Variants in CRY2 observed in about 807,000 individuals in gnomAD.
The protein encoded by CRY2 is cryptochrome-2.
CRY2 carries 31 observed loss-of-function variants against 69.5 expected under a neutral mutation model. The ratio of observed to expected loss-of-function variants is 0.45; its 90% CI spans 0.34 to 0.60. CRY2 has a LOEUF of 0.60. CRY2 is among the 20% of genes least tolerant of loss of function. The probability of loss-of-function intolerance (pLI) is 0.02; values close to 1 mark genes in which losing one functional copy is unlikely to be tolerated. For synonymous variants in CRY2, 303 were observed against 312.2 expected (o/e 0.97, Z 0.31); for missense variants, 606 against 797.8 (o/e 0.76, Z 2.90).
chr11:45,873,207 C>T (rs2086400376), intron 11 of CRY2, among the ~76,000 whole-genome samples: 1 of 152,222 alleles, frequency 6.6e-6, no homozygotes, highest in African/African-American at 2.4e-5. Context: ...TCCTTATGCA[C>T]CATGTCTTCG....
upstream of CRY2, chr11:45,847,348 G>A (rs1280618072): frequency 1.3e-6 from 2 of 1,597,438 alleles, no homozygotes; most frequent in Non-Finnish European, 1.7e-6. Context: ...AAGGCACTCA[G>A]CCAATGGCAG....
rs139397757 is a variant in CRY2, at chr11:45,855,070, A to T, written c.216-912A>T. On this transcript the variant is annotated intron_variant, in intron 1 of 11. Coordinates refer to ENST00000616080, the MANE Select transcript of CRY2 (RefSeq NM_021117.5). ...AATTTAATTTAAAAATAAAACGCTG[A>T]AGGCACTCAGCAAATGTTAATGTCC... Among the ~76,000 whole-genome samples, 14 of 152,336 alleles carry T rather than the reference A, an allele frequency of 9.2e-5. No individual in the cohort carries two copies. The East Asian group carries it at 2.7e-3, about 29-fold the overall frequency.
intron 1 of CRY2, among the ~76,000 whole-genome samples, chr11:45,849,081 T>C (rs2086174185): frequency 6.6e-6 from 1 of 152,242 alleles, no homozygotes; most frequent in Non-Finnish European, 1.5e-5. Flanking sequence ...TCCGACTACC[T>C]TCTTGTTACA....
intron 3 of CRY2, 98 bp downstream of exon 3, chr11:45,858,971 C>A: frequency 6.9e-7 from 1 of 1,453,242 alleles, no homozygotes; most frequent in Non-Finnish European, 9.3e-7. Context: ...ATTAGGGCTA[C>A]CTGACCCAGG....
intron 1 of CRY2, among the ~76,000 whole-genome samples, 169 bp from the exon 2 acceptor site, chr11:45,855,813 T>C (rs1362089124): frequency 1.3e-5 from 2 of 152,350 alleles, no homozygotes; most frequent in Admixed American, 1.3e-4. Context: ...AGAGCAGCGC[T>C]GATCCACTAC....
intron 8 of CRY2, 54 bp downstream of exon 8, chr11:45,870,258 G>C: frequency 6.2e-7 from 1 of 1,611,520 alleles, no homozygotes; most frequent in East Asian, 2.2e-5. Context: ...CTCCTACTAG[G>C]ATGGGATACC....
chr11:45,881,710 C>G lies in CRY2; in HGVS notation c.*799C>G, dbSNP rs1366928447. The G allele has an allele frequency of 6.6e-6, 1 of 152,234 alleles. No individual in the cohort carries two copies. The highest frequency in any genetic ancestry group is 2.4e-5 in the African/African-American group (1 of 41,442). 9.4% of individuals were successfully genotyped at this position (152,234 alleles called of 1,614,324 possible). ...AATCCCAGCTGTCATTGTTCCTTCCCCAGAAGCTAAGAGCCAGCCTCAGAG... is the reference window on the plus strand; with the variant it reads ...AATCCCAGCTGTCATTGTTCCTTCCGCAGAAGCTAAGAGCCAGCCTCAGAG... On this transcript the variant is annotated 3_prime_UTR_variant, in exon 12 of 12. Coordinates refer to ENST00000616080, the MANE Select transcript of CRY2 (RefSeq NM_021117.5).
rs1320630681 is a variant in CRY2 at position 45,882,846 on chromosome 11, C to T, written c.*1935C>T. On this transcript the variant is annotated 3_prime_UTR_variant, in exon 12 of 12. Transcript: ENST00000616080. ...GGTAGCAGGATGATTCCTTTTCCTG[C>T]CTGTCTGCTGCTGGCTCTCTTCCCT... 2 of 397,336 alleles carry T rather than the reference C, an allele frequency of 5.0e-6. No homozygotes were observed. Among genetic ancestry groups the T allele is most frequent in the East Asian group, 7.1e-5 (2 of 28,060 alleles). The allele number at this position is 397,336 out of a possible 1,614,324, so 24.6% of individuals were successfully genotyped here.
chr11:45,848,227 T>C (rs2086167962), intron 1 of CRY2, among the ~76,000 whole-genome samples: 1 of 152,160 alleles, frequency 6.6e-6, no homozygotes, highest in South Asian at 2.1e-4. Context: ...ACCCAGACCG[T>C]CCTGCCTCTA....
At chr11:45,872,949 A>T (rs2086398164) in intron 11 of CRY2, among the ~76,000 whole-genome samples, 1 of 152,164 alleles carries the variant, frequency 6.6e-6, no homozygotes, top group Non-Finnish European at 1.5e-5. Flanking sequence ...GCTGTGTCTT[A>T]CTTGGCCCAG....
intron 2 of CRY2, chr11:45,856,330 A>T: frequency 4.2e-6 from 2 of 472,542 alleles, no homozygotes; most frequent in Non-Finnish European, 7.6e-6. Flanking sequence ...CTCAGTCCAG[A>T]CATAGGATGT....
intron 1 of CRY2, among the ~76,000 whole-genome samples, chr11:45,852,078 A>G (rs1035868639): frequency 6.6e-6 from 1 of 152,210 alleles, no homozygotes; most frequent in African/African-American, 2.4e-5. Flanking sequence ...TGTCCTCTCT[A>G]TATTTTTGGA....
chr11:45,863,676 A>G (rs767681360), intron 5 of CRY2, among the ~76,000 whole-genome samples: 3 of 151,378 alleles, frequency 2.0e-5, no homozygotes, highest in Non-Finnish European at 4.4e-5. Flanking sequence ...GTCCCAAGGC[A>G]TGTTTTCATT....
In CRY2 at chr11:45,871,861, G is replaced by A. The variant is rs559032968; in HGVS notation, c.1643-231G>A. On this transcript the variant is annotated intron_variant, in intron 10 of 11. Transcript: ENST00000616080. ...CTGGCCACAGCCCATGCCATTTGGG[G>A]CCCAAAAGCTGGTCCTGCTACCAGC... Among the ~76,000 whole-genome samples, 6 of 152,314 alleles carry A rather than the reference G, an allele frequency of 3.9e-5. 1 individual carries two copies. In the East Asian group the frequency reaches 1.2e-3, roughly 29 times the overall value.
At chr11:45,878,172 C>G (rs1458503953) in intron 11 of CRY2, among the ~76,000 whole-genome samples, 1 of 152,096 alleles carries the variant, frequency 6.6e-6, no homozygotes, top group Admixed American at 6.6e-5. Flanking sequence ...GAACCCATAC[C>G]CAGAAAACTG....
At position 45,882,552 on chromosome 11, in the gene CRY2, C is replaced by A. The variant is rs1399587654; in HGVS notation, c.*1641C>A. On this transcript the variant is annotated 3_prime_UTR_variant, in exon 12 of 12. Coordinates refer to ENST00000616080, the MANE Select transcript of CRY2 (RefSeq NM_021117.5). Reference sequence around the variant, plus strand: ...CTGAGATATCCTCAGGTTTTCTCAGCCAGAGAGCTGCCTTTAGAGTCCAAC... The same window carrying A: ...CTGAGATATCCTCAGGTTTTCTCAGACAGAGAGCTGCCTTTAGAGTCCAAC... 1.3e-5 allele frequency: 5 copies of A among 398,858 alleles called. No individual in the cohort carries two copies. Among genetic ancestry groups the A allele is most frequent in the Non-Finnish European group, 2.2e-5 (5 of 226,062 alleles). 24.7% of individuals were successfully genotyped at this position (398,858 alleles called of 1,614,324 possible).
At chr11:45,872,010 C>T in intron 10 of CRY2, 82 bp from the exon 11 acceptor site, 1 of 1,560,460 alleles carries the variant, frequency 6.4e-7, no homozygotes, top group Non-Finnish European at 8.7e-7. Context: ...TCCCTGTCCC[C>T]TAAAGAGCTG....
chr11:45,874,038 T>G (rs1351950112), intron 11 of CRY2, among the ~76,000 whole-genome samples: 3 of 152,136 alleles, frequency 2.0e-5, no homozygotes, highest in Non-Finnish European at 4.4e-5. Context: ...TCCCAGCACT[T>G]TGGGAGGCCG....
chr11:45,849,117 G>C (rs1055585631), intron 1 of CRY2, among the ~76,000 whole-genome samples: 2 of 152,142 alleles, frequency 1.3e-5, no homozygotes, highest in Non-Finnish European at 2.9e-5. Context: ...TTCTTTTATT[G>C]GGTTTTGGGG....
Sources: allele counts gnomAD v4.1 joint callset (sites outside exome capture counted in the v4.1 genomes callset), GRCh38; gene constraint gnomAD v4.1.1; transcripts MANE v1.5; gene names NCBI Gene and HGNC (gene_info 2026-07-23, HGNC 2026-07-21).